Variants in CPVL observed in about 807,000 individuals in gnomAD.
The protein encoded by CPVL is probable serine carboxypeptidase CPVL.
Under a neutral mutation model 63.7 loss-of-function variants are expected in CPVL, and 51 were observed. The ratio of observed to expected loss-of-function variants is 0.80; its 90% CI spans 0.64 to 1.01. CPVL has a LOEUF of 1.01. CPVL is among the 50% of genes least tolerant of loss of function. The probability of loss-of-function intolerance (pLI) is 0.00; values close to 1 mark genes in which losing one functional copy is unlikely to be tolerated. For synonymous variants in CPVL, 195 were observed against 206.0 expected, an observed-to-expected ratio of 0.95 and a Z score of 0.46; for missense variants, 530 against 573.1, an observed-to-expected ratio of 0.92 and a Z score of 0.77.
intron 12 of CPVL, among the ~76,000 whole-genome samples, chr7:29,018,523 C>T (rs193283530): frequency 1.3e-5 from 2 of 151,896 alleles, no homozygotes; most frequent in African/African-American, 2.4e-5. Flanking sequence ...GGATTACAGG[C>T]GTGTGCCACC....
intron 9 of CPVL, among the ~76,000 whole-genome samples, chr7:29,070,632 C>A (rs1458436952): frequency 6.6e-6 from 1 of 152,138 alleles, no homozygotes; most frequent in Non-Finnish European, 1.5e-5. Context: ...ACTTTGCAGC[C>A]ACATTTAGTG....
At chr7:29,124,417 C>G (rs1229795783) in intron 1 of CPVL, among the ~76,000 whole-genome samples, 1 of 152,028 alleles carries the variant, frequency 6.6e-6, no homozygotes, top group Non-Finnish European at 1.5e-5. Context: ...AGAATAAAAT[C>G]TGGGTAAATA....
chr7:29,003,740 T>C (rs912183614), intron 12 of CPVL, among the ~76,000 whole-genome samples: 12 of 152,184 alleles, frequency 7.9e-5, no homozygotes, highest in African/African-American at 2.4e-4. Context: ...GGTTTTTCCA[T>C]GCACAGTGTT....
At chr7:29,194,060 G>C (rs1783242464) in intron 1 of CPVL, 1 of 152,296 alleles carries the variant, frequency 6.6e-6, no homozygotes, top group Non-Finnish European at 1.5e-5. Context: ...TAGTGGCTCT[G>C]TCATCCCAGG....
intron 5 of CPVL, among the ~76,000 whole-genome samples, chr7:29,176,218 A>G (rs1195441274): frequency 6.6e-6 from 1 of 151,918 alleles, no homozygotes; most frequent in Non-Finnish European, 1.5e-5. Flanking sequence ...GAAAAAAAAG[A>G]CCATGACTAT....
intron 1 of CPVL, among the ~76,000 whole-genome samples, chr7:29,136,019 G>C (rs1791183641): frequency 6.6e-6 from 1 of 152,166 alleles, no homozygotes; most frequent in African/African-American, 2.4e-5. Context: ...CCAAGAAAGA[G>C]GAAGACATGG....
intron 12 of CPVL, among the ~76,000 whole-genome samples, chr7:29,024,161 C>G (rs1787271052): frequency 2.0e-5 from 3 of 151,966 alleles, no homozygotes; most frequent in South Asian, 4.1e-4. Flanking sequence ...AAGAACCAAT[C>G]AGAAATCCTG....
In CPVL at chr7:29,169,756, A is replaced by T. The variant is rs529306935; in HGVS notation, c.-11+11534T>A. On this transcript the variant is annotated intron_variant, in intron 5 of 16. Transcript: ENST00000409850. ...CCTCCCTTCTGACCACTGTTTGCTC[A>T]GTCAGAGCTGGTGTGCCTATAGACC... 5.2e-4 allele frequency among the ~76,000 whole-genome samples: 79 copies of T among 152,168 alleles called. No individual in the cohort carries two copies. The South Asian group carries it at 0.016, about 31-fold the overall frequency.
intron 1 of CPVL, among the ~76,000 whole-genome samples, chr7:29,123,628 A>AT (rs1426216861): frequency 7.2e-5 from 3 of 41,762 alleles, no homozygotes; most frequent in Non-Finnish European, 1.2e-4. Flanking sequence ...AAAAAAAAAA[A>AT]ATATATATAT....
chr7:29,152,829 A>G (rs1793789131), intron 5 of CPVL, among the ~76,000 whole-genome samples: 2 of 152,190 alleles, frequency 1.3e-5, no homozygotes, highest in Non-Finnish European at 2.9e-5. Flanking sequence ...AATACACTCG[A>G]TCCTTGTTAT....
chr7:29,078,478 A>C (rs1236753134), intron 7 of CPVL, among the ~76,000 whole-genome samples: 1 of 152,220 alleles, frequency 6.6e-6, no homozygotes, highest in African/African-American at 2.4e-5. Context: ...GACTACAGTT[A>C]ATTTGACTTT....
chr7:29,112,608 T>C, intron 3 of CPVL, 96 bp downstream of exon 3: 1 of 741,394 alleles, frequency 1.3e-6, no homozygotes, highest in Non-Finnish European at 2.3e-6. Context: ...CTATGAGATT[T>C]TTTTTTAAAG....
At chr7:29,036,505 C>T (rs551550907) in intron 11 of CPVL, among the ~76,000 whole-genome samples, 8 of 152,196 alleles carry the variant, frequency 5.3e-5, no homozygotes, top group South Asian at 4.2e-4. Context: ...AGAAAAAGGC[C>T]GACTGTAGGA....
chr7:29,034,850 A>G (rs1220798153), intron 11 of CPVL, among the ~76,000 whole-genome samples: 1 of 130,712 alleles, frequency 7.7e-6, no homozygotes, highest in East Asian at 2.2e-4. Context: ...TGCTTTTATA[A>G]TGGAAAAAAA....
intron 1 of CPVL, among the ~76,000 whole-genome samples, chr7:29,191,011 T>G (rs911103357): frequency 1.3e-5 from 2 of 152,112 alleles, no homozygotes; most frequent in Admixed American, 1.3e-4. Context: ...CAGAGCTCAC[T>G]GCATCCTTGA....
intron 5 of CPVL, among the ~76,000 whole-genome samples, chr7:29,173,914 T>C (rs1796928950): frequency 6.7e-6 from 1 of 150,202 alleles, no homozygotes; most frequent in Admixed American, 6.7e-5. Context: ...ATCACACCAC[T>C]GCACTCCAGC....
intron 1 of CPVL, among the ~76,000 whole-genome samples, chr7:29,142,009 C>T (rs1023772814): frequency 6.6e-6 from 1 of 151,994 alleles, no homozygotes; most frequent in Non-Finnish European, 1.5e-5. Flanking sequence ...CTGGAAAAAG[C>T]GTTGTATGCT....
At chr7:29,194,924 C>T (rs752069609) in intron 1 of CPVL, 1 of 1,555,564 alleles carries the variant, frequency 6.4e-7, no homozygotes, top group African/African-American at 1.4e-5. Flanking sequence ...CGAGCAGCGA[C>T]GCGAGGGGCG....
Position 29,139,684 on chromosome 7 carries a change from A to G in CPVL, c.-11+6745T>C, listed in dbSNP as rs1036416191. On this transcript the variant is annotated intron_variant, in intron 1 of 12. Coordinates refer to ENST00000265394, the MANE Select transcript of CPVL (RefSeq NM_031311.5). ...TTTGCAGACACCAATGTTCAGGCAC[A>G]CGTGTACACAAGAATGGTGGAAAGA... Among the ~76,000 whole-genome samples the G allele has an allele frequency of 8.5e-5, 13 of 152,308 alleles. No individual in the cohort carries two copies. In the South Asian group the frequency reaches 1.2e-3, roughly 15 times the overall value.
Sources: gnomAD v4.1 joint callset for allele counts (sites outside exome capture counted in the v4.1 genomes callset) on GRCh38, gnomAD v4.1.1 for gene constraint, MANE v1.5 for transcripts, NCBI Gene and HGNC (gene_info 2026-07-23, HGNC 2026-07-21) for gene names.